Variants in LRGUK observed in about 807,000 individuals in gnomAD.
LRGUK encodes the protein leucine-rich repeat and guanylate kinase domain-containing protein.
LRGUK carries 65 observed loss-of-function variants against 76.0 expected under a neutral mutation model. The ratio of observed to expected loss-of-function variants is 0.85; its 90% CI spans 0.70 to 1.05. LRGUK has a LOEUF of 1.05. LRGUK is among the 50% of genes least tolerant of loss of function. The pLI is 0.00. For missense variants in LRGUK, 758 were observed against 732.8 expected (o/e 1.03, Z -0.40); for synonymous variants, 268 against 265.6 (o/e 1.01, Z -0.09).
chr7:134,170,082 T>C (rs1799178539), intron 7 of LRGUK, among the ~76,000 whole-genome samples: 1 of 152,060 alleles, frequency 6.6e-6, no homozygotes, highest in Non-Finnish European at 1.5e-5. Context: ...TTATTTTATA[T>C]AAAAATTTTT....
intron 11 of LRGUK, among the ~76,000 whole-genome samples, chr7:134,187,321 A>G (rs1800017732): frequency 6.6e-6 from 1 of 152,216 alleles, no homozygotes; most frequent in Admixed American, 6.5e-5. Flanking sequence ...GCGTGCATAG[A>G]GAGTCTCATG....
chr7:134,158,639 T>C (rs558169005), intron 6 of LRGUK, among the ~76,000 whole-genome samples: 17 of 152,326 alleles, frequency 1.1e-4, no homozygotes, highest in African/African-American at 3.8e-4. Flanking sequence ...TCTTCCACTA[T>C]AGAAAATCAA....
chr7:134,131,731 G>T (rs1797315220), intron 1 of LRGUK, among the ~76,000 whole-genome samples: 1 of 152,170 alleles, frequency 6.6e-6, no homozygotes, highest in Non-Finnish European at 1.5e-5. Context: ...CAAAATCCAG[G>T]GGGAGTGAGA....
rs567351802 is a variant in LRGUK, at chr7:134,180,093, T to C, written c.1214+1484T>C. Among the ~76,000 whole-genome samples the C allele has an allele frequency of 1.2e-3, 178 of 152,320 alleles. 2 individuals are homozygous for C. The highest frequency in any genetic ancestry group is 7.8e-4 in the Non-Finnish European group (53 of 68,022). ...CTTACCTTCTGATATGACAAAGTTCTCCAGACTCATCTGGTACATGTCCTG... is the reference window on the plus strand; with the variant it reads ...CTTACCTTCTGATATGACAAAGTTCCCCAGACTCATCTGGTACATGTCCTG... On this transcript the variant is annotated intron_variant, in intron 10 of 15. Coordinates refer to ENST00000645682, the Ensembl canonical transcript of LRGUK.
Position 134,178,726 on chromosome 7 carries a change from C to T in LRGUK, c.1214+117C>T, listed in dbSNP as rs551882881. On this transcript the variant is annotated intron_variant, in intron 10 of 15. Transcript: ENST00000645682. ...TATTTCCTATAAAGGCTGCTTTTTCCCTTTCTCTGAGGGAAGGGGCCAAGT... is the reference window on the plus strand; with the variant it reads ...TATTTCCTATAAAGGCTGCTTTTTCTCTTTCTCTGAGGGAAGGGGCCAAGT... 7 of 634,738 alleles carry T rather than the reference C, an allele frequency of 1.1e-5. No homozygotes were observed. The Middle Eastern group carries it at 1.0e-3, about 93-fold the overall frequency. 39.3% of individuals were successfully genotyped at this position (634,738 alleles called of 1,614,324 possible).
chr7:134,263,570 A>C (rs1406371375), intron 19 of LRGUK, among the ~76,000 whole-genome samples: 1 of 151,032 alleles, frequency 6.6e-6, no homozygotes, highest in African/African-American at 2.4e-5. Context: ...AACCATGTAC[A>C]TGCTATATTC....
intron 5 of LRGUK, among the ~76,000 whole-genome samples, chr7:134,149,240 G>A (rs1268975872): frequency 2.0e-5 from 3 of 152,146 alleles, no homozygotes; most frequent in Non-Finnish European, 4.4e-5. Flanking sequence ...GCTAATTGGA[G>A]ATCTGTGAGT....
chr7:134,169,781 A>T (rs1358819670), intron 7 of LRGUK, among the ~76,000 whole-genome samples: 3 of 152,116 alleles, frequency 2.0e-5, no homozygotes, highest in African/African-American at 7.2e-5. Flanking sequence ...TTATTGAGAC[A>T]TTTACTTATT....
chr7:134,165,397 T>C (rs1287440427), intron 7 of LRGUK, among the ~76,000 whole-genome samples: 2 of 152,158 alleles, frequency 1.3e-5, no homozygotes, highest in Admixed American at 1.3e-4. Context: ...TCTTAACCTC[T>C]GCAGGGTGAT....
chr7:134,235,378 T>TAG (rs1801989256), intron 16 of LRGUK, among the ~76,000 whole-genome samples: 1 of 152,262 alleles, frequency 6.6e-6, no homozygotes, highest in South Asian at 2.1e-4. Flanking sequence ...GAACACTCTT[T>TAG]CCCCAGATAG....
chr7:134,252,102 G>T (rs1275253102), intron 18 of LRGUK, among the ~76,000 whole-genome samples: 1 of 151,976 alleles, frequency 6.6e-6, no homozygotes, highest in Admixed American at 6.6e-5. Context: ...GGGAAGGCAA[G>T]GTAGAAGGAT....
intron 18 of LRGUK, among the ~76,000 whole-genome samples, chr7:134,254,871 A>T (rs1483484784): frequency 6.6e-6 from 1 of 152,190 alleles, no homozygotes; most frequent in African/African-American, 2.4e-5. Flanking sequence ...GGGTTCAGAA[A>T]ACTGTTGATA....
chr7:134,215,283 C>T (rs972273911), intron 15 of LRGUK, among the ~76,000 whole-genome samples: 11 of 151,560 alleles, frequency 7.3e-5, no homozygotes, highest in African/African-American at 1.2e-4. Flanking sequence ...TTTTCTATGG[C>T]GCTGAATTTC....
At chr7:134,190,886 T>C (rs1800189256) in intron 11 of LRGUK, among the ~76,000 whole-genome samples, 1 of 148,096 alleles carries the variant, frequency 6.8e-6, no homozygotes. Context: ...AGAAAGCAGT[T>C]CTGGGGATAG....
chr7:134,141,283 C>T (rs1422292582), intron 3 of LRGUK, among the ~76,000 whole-genome samples: 1 of 152,178 alleles, frequency 6.6e-6, no homozygotes, highest in Non-Finnish European at 1.5e-5. Flanking sequence ...TCCGAATCAC[C>T]TGGAAGCCCT....
intron 4 of LRGUK, among the ~76,000 whole-genome samples, chr7:134,143,453 CT>C (rs919507071): frequency 8.5e-5 from 13 of 152,068 alleles, no homozygotes; most frequent in African/African-American, 2.9e-4. Context: ...TATTATTGCC[CT>C]TTTTTTGTTG....
At chr7:134,190,948 T>TTCTGGGGATAGACAGTAGTTGAGCGGTAA (rs1554467160) in intron 11 of LRGUK, among the ~76,000 whole-genome samples, 3 of 41,742 alleles carry the variant, frequency 7.2e-5, no homozygotes, top group African/African-American at 8.1e-5. Context: ...TTGAGCGGTG[T>TTCTGGGGATAGACAGTAGTTGAGCGGTAA]GGTGGGATGG....
chr7:134,220,882 G>C (rs1801575058), intron 15 of LRGUK, among the ~76,000 whole-genome samples: 1 of 151,994 alleles, frequency 6.6e-6, no homozygotes, highest in African/African-American at 2.4e-5. Flanking sequence ...GTCGGGTCTT[G>C]TGTGCCAAGC....
intron 16 of LRGUK, among the ~76,000 whole-genome samples, chr7:134,235,148 T>C (rs972768237): frequency 8.5e-5 from 13 of 152,238 alleles, no homozygotes; most frequent in Admixed American, 8.5e-4. Flanking sequence ...GGTCAGATCA[T>C]GAGCCCCCTC....
Sources: gnomAD v4.1 joint callset for allele counts (sites outside exome capture counted in the v4.1 genomes callset) on GRCh38, gnomAD v4.1.1 for gene constraint, MANE v1.5 for transcripts, NCBI Gene and HGNC (gene_info 2026-07-23, HGNC 2026-07-21) for gene names.